UBOX5: variants seen among roughly 807,000 people sequenced by gnomAD.
UBOX5 encodes the protein RING finger protein 37.
A neutral mutation model predicts 39.0 loss-of-function variants in UBOX5; 28 were observed. The observed-to-expected ratio is 0.72, with a 90% CI of 0.53 to 0.98. The LOEUF is 0.98. Ranked by LOEUF, UBOX5 falls within the 50% of genes least tolerant of loss-of-function variation. The pLI, the probability that UBOX5 is intolerant of heterozygous loss-of-function variation, is 0.00. For synonymous variants in UBOX5, 283 were observed against 275.5 expected (o/e 1.03, Z -0.27); for missense variants, 585 against 674.4 (o/e 0.87, Z 1.47).
chr20:3,147,108 T>C (rs1372324938), intron 1 of UBOX5: 1 of 1,613,992 alleles, frequency 6.2e-7, no homozygotes, highest in Non-Finnish European at 8.5e-7. Flanking sequence ...TCCAACTCCA[T>C]GGGCTGCTGC....
intron 3 of UBOX5, among the ~76,000 whole-genome samples, chr20:3,116,314 C>A (rs2066293478): frequency 6.6e-6 from 1 of 152,144 alleles, no homozygotes; most frequent in Admixed American, 6.5e-5. Flanking sequence ...GACCACGCCA[C>A]AATTTAGGGG....
rs762195560 is a variant in UBOX5, at chr20:3,121,700, A to C, written c.939T>G (p.Thr313=). The stretch of plus-strand genomic sequence containing the variant: ...GGTGAGGCAGGGGCTGAGAGTGCGG[A>C]GTAAAAGCTACCCCCGTGAAAGGGT... ...PSDPFTGVAF[T]PHSQPLPHPS... is the part of the protein sequence containing the mutation. The change falls in exon 3 of 5, where the codon ACT becomes ACG. Residue 313 remains threonine (T), a synonymous_variant. Transcript: ENST00000217173. The C allele has an allele frequency of 2.5e-6, 4 of 1,613,814 alleles. No individual in the cohort carries two copies. In the East Asian group the frequency reaches 6.7e-5, roughly 27 times the overall value.
chr20:3,123,190 T>A, intron 2 of UBOX5, 122 bp downstream of exon 2: 1 of 1,010,516 alleles, frequency 9.9e-7, no homozygotes, highest in Non-Finnish European at 1.5e-6. Context: ...TCTGATGGAA[T>A]CTAAAGTAAC....
intron 1 of UBOX5, chr20:3,146,770 T>C (rs1229420569): frequency 1.2e-6 from 2 of 1,610,434 alleles, no homozygotes; most frequent in Non-Finnish European, 8.5e-7. Context: ...TGCCCCTAAA[T>C]GCCCTTCAGA....
intron 2 of UBOX5, among the ~76,000 whole-genome samples, 199 bp from the exon 3 acceptor site, chr20:3,122,783 T>C (rs2066348786): frequency 6.6e-6 from 1 of 152,046 alleles, no homozygotes; most frequent in South Asian, 2.1e-4. Flanking sequence ...TTGCCCAACC[T>C]TAAAAATATG....
At position 3,148,125 on chromosome 20, in the gene UBOX5, C is replaced by G. The variant is rs201594632; in HGVS notation, c.-42+11641G>C. 6 of 1,613,924 alleles carry G rather than the reference C, an allele frequency of 3.7e-6. No homozygotes were observed. In the African/African-American group the frequency reaches 8.0e-5, roughly 22 times the overall value. On this transcript the variant is annotated intron_variant, in intron 1 of 4. Coordinates refer to ENST00000217173, the MANE Select transcript of UBOX5 (RefSeq NM_014948.4). ...CCCAAACAGATGGTACCAACCTCCTCCAAATTGATCAAATCTATATATTTA... is the reference window on the plus strand; with the variant it reads ...CCCAAACAGATGGTACCAACCTCCTGCAAATTGATCAAATCTATATATTTA...
intron 1 of UBOX5, among the ~76,000 whole-genome samples, chr20:3,133,430 T>C (rs892087958): frequency 6.6e-6 from 1 of 152,130 alleles, no homozygotes; most frequent in Non-Finnish European, 1.5e-5. Context: ...GGCATCTAAG[T>C]ACAAGAAAGA....
intron 1 of UBOX5, among the ~76,000 whole-genome samples, chr20:3,139,289 C>A (rs1239620022): frequency 1.3e-5 from 2 of 152,202 alleles, no homozygotes; most frequent in Non-Finnish European, 2.9e-5. Flanking sequence ...CCAAAGAAGC[C>A]TGCAGTTTTA....
chr20:3,159,515 G>GA (rs530700515), intron 1 of UBOX5, among the ~76,000 whole-genome samples: 5 of 152,096 alleles, frequency 3.3e-5, no homozygotes, highest in South Asian at 2.1e-4. Flanking sequence ...TTTCACAGAG[G>GA]AAAAAAAATC....
In UBOX5 at chr20:3,133,748, A is replaced by AT. The variant is rs551137814; in HGVS notation, c.-41-10343dup. 2.4e-3 allele frequency among the ~76,000 whole-genome samples: 280 copies of AT among 115,796 alleles called. 1 individual carries two copies. Among genetic ancestry groups the AT allele is most frequent in the African/African-American group, 7.3e-3 (242 of 33,176 alleles). 76.0% of individuals were successfully genotyped at this position (115,796 alleles called of 152,430 possible). A position where few individuals can be genotyped will look rare whatever the true frequency, so the allele number is the denominator to read the frequency against. On this transcript the variant is annotated intron_variant, in intron 1 of 4. Coordinates refer to ENST00000217173, the MANE Select transcript of UBOX5 (RefSeq NM_014948.4). ...AAGGGGTAAGCTCTTTTTTTTTCTT[A>AT]TTTTTTTTGGGGGGGGGAAACAGGC...
chr20:3,153,536 T>G (rs941934322), intron 1 of UBOX5, among the ~76,000 whole-genome samples: 9 of 152,224 alleles, frequency 5.9e-5, no homozygotes, highest in Non-Finnish European at 1.2e-4. Context: ...AAAGACTGTC[T>G]GACTCTTCAG....
In UBOX5 at chr20:3,121,900, A is replaced by T; in HGVS notation, c.739T>A (p.Ser247Thr). Residue 247 changes from serine to threonine, a missense_variant, in exon 3 of 5, where the codon TCC (serine) becomes ACC (threonine). Coordinates refer to ENST00000217173, the MANE Select transcript of UBOX5 (RefSeq NM_014948.4). The part of the protein sequence containing the change: ...GDQPESQQAP[S>T]SLQKLAEIIQ... Reference sequence around the variant, plus strand: ...ATCTCGGCCAGCTTCTGCAGGCTGGAGGGAGCCTGCTGGCTCTCAGGCTGG... The same window carrying T: ...ATCTCGGCCAGCTTCTGCAGGCTGGTGGGAGCCTGCTGGCTCTCAGGCTGG... 1 of 1,613,854 alleles carries T rather than the reference A, an allele frequency of 6.2e-7. No homozygotes were observed. The highest frequency in any genetic ancestry group is 1.1e-5 in the South Asian group (1 of 91,080).
Position 3,152,780 on chromosome 20 carries a change from C to T in UBOX5, c.-42+6986G>A, listed in dbSNP as rs150137892. On this transcript the variant is annotated intron_variant, in intron 1 of 4. Coordinates refer to ENST00000217173, the MANE Select transcript of UBOX5 (RefSeq NM_014948.4). ...AAAATTAGCTGGGCGTGGTAGTGCG[C>T]CTGTAATCCCAGCTACTTGAGAGGC... 5.7e-3 allele frequency among the ~76,000 whole-genome samples: 869 copies of T among 151,798 alleles called. 13 individuals carry two copies. The highest frequency in any genetic ancestry group is 0.02 in the African/African-American group (815 of 41,406).
At chr20:3,143,761 C>A (rs2066537887) in intron 1 of UBOX5, among the ~76,000 whole-genome samples, 2 of 152,114 alleles carry the variant, frequency 1.3e-5, no homozygotes, top group South Asian at 4.2e-4. Flanking sequence ...CCACTGCACT[C>A]CAGCTGGGTG....
At position 3,121,418 on chromosome 20, in the gene UBOX5, A is replaced by G. The variant is rs774169289; in HGVS notation, c.1221T>C (p.Asn407=). 6 of 1,613,784 alleles carry G rather than the reference A, an allele frequency of 3.7e-6. No individual in the cohort carries two copies. In the African/African-American group the frequency reaches 6.7e-5, roughly 18 times the overall value. Residue 407 remains asparagine (N), a synonymous_variant, in exon 3 of 5, where the codon AAT becomes AAC. Coordinates refer to ENST00000217173, the MANE Select transcript of UBOX5 (RefSeq NM_014948.4). The part of the protein sequence containing the change: ...EHTAKKMKAT[N]EPSLTHMDCS... Reference sequence around the variant, plus strand: ...AGTCCATATGTGTCAGGCTGGGCTCATTGGTGGCTTTCATTTTCTTAGCAG... The same window carrying G: ...AGTCCATATGTGTCAGGCTGGGCTCGTTGGTGGCTTTCATTTTCTTAGCAG...
intron 1 of UBOX5, among the ~76,000 whole-genome samples, chr20:3,134,374 T>A (rs1466145905): frequency 6.6e-6 from 1 of 152,094 alleles, no homozygotes; most frequent in African/African-American, 2.4e-5. Context: ...TCTACAAATC[T>A]TCTTGTGGGA....
chr20:3,111,037 C>T (rs73890879), intron 4 of UBOX5, among the ~76,000 whole-genome samples: 1,795 of 152,272 alleles, frequency 0.012, 30 homozygotes, highest in African/African-American at 0.041. Context: ...TCCTCAGTCC[C>T]CCTCCTGTGC....
At chr20:3,133,395 A>G (rs2066444702) in intron 1 of UBOX5, among the ~76,000 whole-genome samples, 1 of 152,220 alleles carries the variant, frequency 6.6e-6, no homozygotes, top group South Asian at 2.1e-4. Flanking sequence ...AGTACTTACA[A>G]AGCATAGCCA....
At chr20:3,148,934 T>A (rs2066597104) in intron 1 of UBOX5, 1 of 1,614,086 alleles carries the variant, frequency 6.2e-7, no homozygotes, top group African/African-American at 1.3e-5. Flanking sequence ...GAGGCTAATG[T>A]GTTCTGGAGG....
Sources: allele counts gnomAD v4.1 joint callset (sites outside exome capture counted in the v4.1 genomes callset), GRCh38; gene constraint gnomAD v4.1.1; transcripts MANE v1.5; gene names NCBI Gene and HGNC (gene_info 2026-07-23, HGNC 2026-07-21).